Variants in DMD observed in about 807,000 individuals in gnomAD.
DMD encodes the protein dystrophin.
DMD carries 63 observed loss-of-function variants against 330.1 expected under a neutral mutation model. The ratio of observed to expected loss-of-function variants is 0.19; its 90% CI spans 0.16 to 0.24. The LOEUF (loss-of-function observed/expected upper bound fraction) is 0.24, where lower values mean the gene tolerates loss of function less well. Ranked by LOEUF, DMD falls within the 10% of genes least tolerant of loss-of-function variation. The probability of loss-of-function intolerance (pLI) is 1.00; values close to 1 mark genes in which losing one functional copy is unlikely to be tolerated. For missense variants in DMD, 3,344 were observed against 2,684.1 expected, an observed-to-expected ratio of 1.25 and a Z score of -5.43; for synonymous variants, 1,223 against 959.8, an observed-to-expected ratio of 1.27 and a Z score of -5.07.
chrX:32,960,489 C>G (rs1168179275), intron 2 of DMD: 2 of 112,252 alleles, frequency 1.8e-5, no homozygotes, highest in South Asian at 3.7e-4. Context: ...AACCCGAAGA[C>G]AGTGAGAAGG....
chrX:32,704,586 A>C (rs1256389623), intron 7 of DMD, among the ~76,000 whole-genome samples: 1 of 112,485 alleles, frequency 8.9e-6, no homozygotes, highest in Non-Finnish European at 1.9e-5. Context: ...GCAGGTATAA[A>C]TGTGCACTCA....
intron 42 of DMD, among the ~76,000 whole-genome samples, chrX:32,293,357 A>T (rs2097481816): frequency 8.9e-6 from 1 of 111,921 alleles, no homozygotes; most frequent in Non-Finnish European, 1.9e-5. Context: ...CTATGTGGAA[A>T]GCATGGGCAG....
chrX:31,773,952 T>TC lies in DMD; in HGVS notation c.7542+7dup, dbSNP rs778572661. 8.4e-7 allele frequency: 1 copy of TC among 1,194,511 alleles called. No individual in the cohort carries two copies. Among genetic ancestry groups the TC allele is most frequent in the Non-Finnish European group, 1.1e-6 (1 of 883,021 alleles). ...ACTTCTGCCAACTTTTATCATTTTT[T>TC]CTCATACCTTCTGCTTGATGATCAT... On this transcript the variant is annotated splice_region_variant and intron_variant, in intron 51 of 78. Coordinates refer to ENST00000357033, the MANE Select transcript of DMD (RefSeq NM_004006.3).
chrX:32,438,497 C>A, intron 28 of DMD, 107 bp from the exon 29 acceptor site: 1 of 945,557 alleles, frequency 1.1e-6, no homozygotes, highest in South Asian at 2.2e-5. Flanking sequence ...AAGTCATAAT[C>A]AATTTAAAGC....
At chrX:32,441,370 A>C (rs2098280878) in intron 27 of DMD, 56 bp from the exon 28 acceptor site, 9 of 1,126,787 alleles carry the variant, frequency 8.0e-6, no homozygotes, top group South Asian at 1.9e-5. Context: ...GTAAATGTGA[A>C]ATTTTGCCAT....
At chrX:31,345,677 G>A (rs780898437) in intron 61 of DMD, among the ~76,000 whole-genome samples, 43 of 111,442 alleles carry the variant, frequency 3.9e-4, no homozygotes, top group Admixed American at 1.2e-3. Context: ...GGCAAGTTAA[G>A]TAGACCAGAG....
At position 32,027,183 on chromosome X, in the gene DMD, C is replaced by CACACACACAGAGAG. The variant is rs774715155; in HGVS notation, c.6439-58670_6439-58669insCTCTCTGTGTGTGT. ...GCACGTGCACACACACACACACACA[C>CACACACACAGAGAG]AGAGAGAGAGAGAGAGAGAGAGAAG... On this transcript the variant is annotated intron_variant, in intron 44 of 78. Transcript: ENST00000357033. Among the ~76,000 whole-genome samples the CACACACACAGAGAG allele has an allele frequency of 1.0e-4, 10 of 97,524 alleles. 1 individual carries two copies. The highest frequency in any genetic ancestry group is 1.0e-4 in the Non-Finnish European group (5 of 49,143). The allele number at this position is 97,524 out of a possible 115,157, so 84.7% of individuals were successfully genotyped here. A position where few individuals can be genotyped will look rare whatever the true frequency, so the allele number is the denominator to read the frequency against.
chrX:33,217,708 A>G (rs1200333121), intron 1 of DMD, among the ~76,000 whole-genome samples: 1 of 112,070 alleles, frequency 8.9e-6, no homozygotes. Context: ...GATGTTGTAC[A>G]GCAGATCTCT....
intron 13 of DMD, among the ~76,000 whole-genome samples, chrX:32,574,559 A>G (rs956635816): frequency 3.6e-5 from 4 of 111,877 alleles, no homozygotes; most frequent in African/African-American, 1.3e-4. Flanking sequence ...CAAAGGAAGC[A>G]TTTCAAAATG....
At chrX:32,775,728 A>G (rs1051532740) in intron 7 of DMD, among the ~76,000 whole-genome samples, 1 of 113,097 alleles carries the variant, frequency 8.8e-6, no homozygotes, top group African/African-American at 3.2e-5. Context: ...CTGTGATGGA[A>G]GGGGCTGGCA....
intron 1 of DMD, among the ~76,000 whole-genome samples, chrX:33,160,711 A>T (rs760746681): frequency 9.3e-4 from 104 of 111,919 alleles, no homozygotes; most frequent in Non-Finnish European, 1.4e-3. Flanking sequence ...TCAAGAGGAA[A>T]TGTGAGTTTC....
chrX:32,177,181 A>G (rs2096909393), intron 44 of DMD, among the ~76,000 whole-genome samples: 1 of 112,068 alleles, frequency 8.9e-6, no homozygotes, highest in African/African-American at 3.2e-5. Context: ...TGCCAAGATT[A>G]CAATAATAAC....
chrX:32,600,561 C>T lies in DMD; in HGVS notation c.1483-4685G>A, dbSNP rs115902591. ...CATTGAATACCCAACAGCTAATTGCCGGTACTTGCAGGTCACACACACACA... is the reference window on the plus strand; with the variant it reads ...CATTGAATACCCAACAGCTAATTGCTGGTACTTGCAGGTCACACACACACA... On this transcript the variant is annotated intron_variant, in intron 12 of 78. Coordinates refer to ENST00000357033, the MANE Select transcript of DMD (RefSeq NM_004006.3). Among the ~76,000 whole-genome samples, 414 of 98,139 alleles carry T rather than the reference C, an allele frequency of 4.2e-3. 3 individuals are homozygous for T. The highest frequency in any genetic ancestry group is 0.015 in the African/African-American group (384 of 25,255). The allele number at this position is 98,139 out of a possible 115,157, so 85.2% of individuals were successfully genotyped here.
chrX:32,367,456 C>G (rs2097858397), intron 34 of DMD, among the ~76,000 whole-genome samples: 1 of 112,443 alleles, frequency 8.9e-6, no homozygotes, highest in Non-Finnish European at 1.9e-5. Context: ...ATTTGGATTA[C>G]TAATTATCTC....
At chrX:33,181,711 G>A (rs1306308204) in intron 1 of DMD, among the ~76,000 whole-genome samples, 3 of 111,427 alleles carry the variant, frequency 2.7e-5, no homozygotes, top group South Asian at 3.7e-4. Flanking sequence ...TATTAGCTGC[G>A]GAGCTATTGC....
intron 44 of DMD, among the ~76,000 whole-genome samples, chrX:32,124,463 G>T (rs757581907): frequency 1.8e-5 from 2 of 111,980 alleles, no homozygotes; most frequent in African/African-American, 6.5e-5. Context: ...AAACCTGAGC[G>T]AAACTAGGGT....
At chrX:32,707,293 C>A (rs941268455) in intron 7 of DMD, among the ~76,000 whole-genome samples, 3 of 111,813 alleles carry the variant, frequency 2.7e-5, no homozygotes, top group African/African-American at 9.8e-5. Context: ...TCAAAATTCT[C>A]AGTTTACCAC....
chrX:32,074,179 C>T, intron 44 of DMD, among the ~76,000 whole-genome samples: 1 of 111,477 alleles, frequency 9.0e-6, no homozygotes, highest in East Asian at 2.8e-4. Flanking sequence ...TATTATGATA[C>T]TATTTATCTG....
rs228323 is a variant in DMD at position 32,510,332 on chromosome X, T to C, written c.2292+7676A>G. Among the ~76,000 whole-genome samples the C allele has an allele frequency of 4.6e-3, 513 of 112,010 alleles. 2 individuals are homozygous for C. The highest frequency in any genetic ancestry group is 7.9e-3 in the Non-Finnish European group (421 of 53,201). On this transcript the variant is annotated intron_variant, in intron 18 of 78. Coordinates refer to ENST00000357033, the MANE Select transcript of DMD (RefSeq NM_004006.3). Reference sequence around the variant, plus strand: ...CCTAAAAAGGCCCTAAATTACTTACTTGGACATTTTCCCCCATCAAATGCC... The same window carrying C: ...CCTAAAAAGGCCCTAAATTACTTACCTGGACATTTTCCCCCATCAAATGCC...
Sources: allele counts gnomAD v4.1 joint callset (sites outside exome capture counted in the v4.1 genomes callset), GRCh38; gene constraint gnomAD v4.1.1; transcripts MANE v1.5; gene names NCBI Gene and HGNC (gene_info 2026-07-23, HGNC 2026-07-21).